DTWD2: variants seen among roughly 807,000 people sequenced by gnomAD.
DTWD2 encodes the protein DTW motif tRNA-uridine aminocarboxypropyltransferase 2, also known as tRNA-uridine aminocarboxypropyltransferase 2.
DTWD2 carries 39 observed loss-of-function variants against 31.8 expected under a neutral mutation model. That is an observed-to-expected ratio of 1.22 (90% CI 0.95 to 1.60). The LOEUF (loss-of-function observed/expected upper bound fraction) is 1.60. DTWD2 is among the 40% of genes most tolerant of loss of function. The pLI, the probability that DTWD2 is intolerant of heterozygous loss-of-function variation, is 0.00. For missense variants in DTWD2, 515 were observed against 381.5 expected (o/e 1.35, Z -2.92); for synonymous variants, 180 against 142.8 (o/e 1.26, Z -1.86).
intron 1 of DTWD2, among the ~76,000 whole-genome samples, chr5:118,947,302 A>G (rs990746341): frequency 1.3e-5 from 2 of 152,210 alleles, no homozygotes; most frequent in Non-Finnish European, 2.9e-5. Context: ...TTCGGCGTCC[A>G]GTAAAAATCA....
At chr5:118,841,197 C>T (rs1454695895) in intron 5 of DTWD2, 110 bp from the exon 6 acceptor site, 1 of 1,263,846 alleles carries the variant, frequency 7.9e-7, no homozygotes, top group Admixed American at 2.8e-5. Context: ...TTATGATTGG[C>T]TTTTAACTAT....
chr5:118,906,996 G>A (rs910642803), intron 4 of DTWD2, among the ~76,000 whole-genome samples: 3 of 152,114 alleles, frequency 2.0e-5, no homozygotes, highest in African/African-American at 4.8e-5. Flanking sequence ...CTTTCCAAAG[G>A]CAAAGAAAAT....
chr5:118,928,830 C>G, intron 3 of DTWD2, 101 bp from the exon 4 acceptor site: 1 of 960,890 alleles, frequency 1.0e-6, no homozygotes, highest in Non-Finnish European at 1.5e-6. Context: ...TATATGTAGT[C>G]ATTTGTCTAA....
At chr5:118,865,863 G>A (rs1028766004) in intron 4 of DTWD2, among the ~76,000 whole-genome samples, 3 of 151,984 alleles carry the variant, frequency 2.0e-5, no homozygotes, top group African/African-American at 7.2e-5. Flanking sequence ...CTTTTGATTT[G>A]CAACACATAC....
chr5:118,974,776 A>T (rs1755108679), intron 1 of DTWD2: 2 of 390,580 alleles, frequency 5.1e-6, no homozygotes, highest in African/African-American at 4.2e-5. Flanking sequence ...GTCCAACAAT[A>T]AACAGGAATT....
rs1302031734 is a variant in DTWD2 at position 118,982,711 on chromosome 5, C to A, written c.218+5583G>T. On this transcript the variant is annotated intron_variant, in intron 1 of 5. Coordinates refer to ENST00000510708, the MANE Select transcript of DTWD2 (RefSeq NM_173666.4). ...CTTTTTTTTTTTTTTTTTTTTGAGA[C>A]GGAGTTTCGCTCTGTCGCCGAGGCT... Among the ~76,000 whole-genome samples, 196 of 116,564 alleles carry A rather than the reference C, an allele frequency of 1.7e-3. 1 individual carries two copies. The highest frequency in any genetic ancestry group is 6.3e-3 in the African/African-American group (191 of 30,080). 76.5% of individuals were successfully genotyped at this position (116,564 alleles called of 152,430 possible). A position where few individuals can be genotyped will look rare whatever the true frequency, so the allele number is the denominator to read the frequency against.
intron 4 of DTWD2, among the ~76,000 whole-genome samples, chr5:118,909,012 C>G (rs1381270054): frequency 1.3e-5 from 2 of 152,182 alleles, no homozygotes; most frequent in Admixed American, 1.3e-4. Flanking sequence ...CTGAATGAAG[C>G]CAACGGTGCT....
chr5:118,843,390 TAGAA>T (rs1751772396), intron 5 of DTWD2, among the ~76,000 whole-genome samples: 2 of 103,496 alleles, frequency 1.9e-5, no homozygotes, highest in Non-Finnish European at 4.1e-5. Context: ...AGGAGAGAGA[TAGAA>T]AGAAAAAAGG....
chr5:118,964,341 C>T (rs1933178951), intron 1 of DTWD2, among the ~76,000 whole-genome samples: 1 of 152,014 alleles, frequency 6.6e-6, no homozygotes, highest in African/African-American at 2.4e-5. Context: ...AAGTTGTGGT[C>T]ATTTGGTGGC....
At chr5:118,942,747 C>A (rs931894858) in intron 2 of DTWD2, among the ~76,000 whole-genome samples, 1 of 152,036 alleles carries the variant, frequency 6.6e-6, no homozygotes, top group Non-Finnish European at 1.5e-5. Flanking sequence ...TGAAAAGGCA[C>A]CATACTGTGT....
At chr5:118,917,556 T>C (rs577331444) in intron 4 of DTWD2, among the ~76,000 whole-genome samples, 3 of 152,290 alleles carry the variant, frequency 2.0e-5, no homozygotes, top group African/African-American at 2.4e-5. Flanking sequence ...TGACTCATAG[T>C]TCCACAGGGC....
chr5:118,932,109 G>A (rs555083777), intron 3 of DTWD2, among the ~76,000 whole-genome samples: 1 of 152,018 alleles, frequency 6.6e-6, no homozygotes, highest in Non-Finnish European at 1.5e-5. Context: ...GCATTAAAAT[G>A]CACATTAAGA....
At chr5:118,976,273 T>C (rs1354023840) in intron 1 of DTWD2, among the ~76,000 whole-genome samples, 2 of 151,790 alleles carry the variant, frequency 1.3e-5, no homozygotes, top group African/African-American at 4.8e-5. Context: ...ATATCACAAT[T>C]AAAAGAACTA....
At chr5:118,985,490 T>TTTTATATATATATATA (rs139994443) in intron 1 of DTWD2, among the ~76,000 whole-genome samples, 2 of 95,428 alleles carry the variant, frequency 2.1e-5, no homozygotes, top group South Asian at 4.3e-4. Context: ...ATGTGCATTT[T>TTTTATATATATATATA]TATATATATA....
chr5:118,878,927 A>T (rs1016272085), intron 4 of DTWD2, among the ~76,000 whole-genome samples: 3 of 152,260 alleles, frequency 2.0e-5, no homozygotes, highest in Admixed American at 1.3e-4. Context: ...GCAAATCAAA[A>T]GCACAATGAG....
At chr5:118,866,694 G>T (rs762662982) in intron 4 of DTWD2, among the ~76,000 whole-genome samples, 2 of 152,032 alleles carry the variant, frequency 1.3e-5, no homozygotes, top group Non-Finnish European at 2.9e-5. Flanking sequence ...CAAGAAGGGC[G>T]AATCATGAGG....
intron 3 of DTWD2, among the ~76,000 whole-genome samples, chr5:118,937,007 G>C (rs1754059730): frequency 6.6e-6 from 1 of 151,836 alleles, no homozygotes; most frequent in Non-Finnish European, 1.5e-5. Flanking sequence ...TTCTTTGAAA[G>C]GTACAAAATA....
At chr5:118,968,638 C>A (rs115083276) in intron 1 of DTWD2, among the ~76,000 whole-genome samples, 4,014 of 152,300 alleles carry the variant, frequency 0.026, 184 homozygotes, top group African/African-American at 0.09. Context: ...GAGATCCCCC[C>A]CTGAGCCCAC....
At chr5:118,901,532 T>C (rs1035494344) in intron 4 of DTWD2, among the ~76,000 whole-genome samples, 1 of 152,204 alleles carries the variant, frequency 6.6e-6, no homozygotes, top group Non-Finnish European at 1.5e-5. Flanking sequence ...ACAACTTTCA[T>C]GTAGTTTAAG....
Sources: gnomAD v4.1 joint callset for allele counts (sites outside exome capture counted in the v4.1 genomes callset) on GRCh38, gnomAD v4.1.1 for gene constraint, MANE v1.5 for transcripts, NCBI Gene and HGNC (gene_info 2026-07-23, HGNC 2026-07-21) for gene names.